Variants in METTL14 observed in about 807,000 individuals in gnomAD.
METTL14 encodes the protein N(6)-adenosine-methyltransferase non-catalytic subunit METTL14.
Under a neutral mutation model 62.4 loss-of-function variants are expected in METTL14, and 32 were observed. The observed-to-expected ratio is 0.51, with a 90% confidence interval of 0.39 to 0.69. METTL14 has a LOEUF of 0.69. METTL14 is among the 30% of genes least tolerant of loss of function. The pLI is 0.00. For missense variants in METTL14, 340 were observed against 551.9 expected (o/e 0.62, Z 3.85); for synonymous variants, 150 against 180.0 (o/e 0.83, Z 1.34).
chr4:118,714,434 G>T lies in METTL14; in HGVS notation c.*4132G>T, dbSNP rs927182308. ...CATCACTTGTCAGCTCCAGCTAATTGTCACCACAGAGAGAAGAGGGTAAGT... is the reference window on the plus strand; with the variant it reads ...CATCACTTGTCAGCTCCAGCTAATTTTCACCACAGAGAGAAGAGGGTAAGT... On this transcript the variant is annotated 3_prime_UTR_variant, in exon 11 of 11. Transcript: ENST00000388822. 2 of 152,106 alleles carry T rather than the reference G, an allele frequency of 1.3e-5. No individual in the cohort carries two copies. The highest frequency in any genetic ancestry group is 4.2e-4 in the South Asian group (2 of 4,816). The allele number at this position is 152,106 out of a possible 1,614,324, so 9.4% of individuals were successfully genotyped here.
rs1234098874 is a variant in METTL14 at position 118,712,683 on chromosome 4, T to C, written c.*2381T>C. 4 of 152,046 alleles carry C rather than the reference T, an allele frequency of 2.6e-5. No homozygotes were observed. The allele number at this position is 152,046 out of a possible 1,614,324, so 9.4% of individuals were successfully genotyped here. ...GTTGCTTTATGCACTAATTCCTTAC[T>C]GGGGATAGAAGCTAATTATTGTGAA... On this transcript the variant is annotated 3_prime_UTR_variant, in exon 11 of 11. Coordinates refer to ENST00000388822, the MANE Select transcript of METTL14 (RefSeq NM_020961.4).
chr4:118,691,920 A>G lies in METTL14; in HGVS notation c.325-61A>G, dbSNP rs887094541. 3.1e-5 allele frequency: 33 copies of G among 1,061,062 alleles called. No individual in the cohort carries two copies. The South Asian group carries it at 4.2e-4, about 14-fold the overall frequency. The allele number at this position is 1,061,062 out of a possible 1,614,324, so 65.7% of individuals were successfully genotyped here. On this transcript the variant is annotated intron_variant, in intron 4 of 10. Coordinates refer to ENST00000388822, the MANE Select transcript of METTL14 (RefSeq NM_020961.4). ...ATCACCTTGTAATAGAAAACAGTACAGAGATAATTTATCTGCCATTACAAT... is the reference window on the plus strand; with the variant it reads ...ATCACCTTGTAATAGAAAACAGTACGGAGATAATTTATCTGCCATTACAAT...
At chr4:118,709,799 C>T (rs961981993) in intron 10 of METTL14, among the ~76,000 whole-genome samples, 199 bp from the exon 11 acceptor site, 2 of 152,102 alleles carry the variant, frequency 1.3e-5, no homozygotes, top group South Asian at 4.1e-4. Context: ...AAGTTACAAT[C>T]TAGGAGGAGA....
intron 3 of METTL14, among the ~76,000 whole-genome samples, chr4:118,690,088 T>C (rs1489044879): frequency 7.6e-6 from 1 of 132,026 alleles, no homozygotes; most frequent in East Asian, 2.5e-4. Flanking sequence ...TCGCCCAGGC[T>C]GGAGTGCAGT....
At chr4:118,692,631 GT>G (rs1409451022) in intron 5 of METTL14, among the ~76,000 whole-genome samples, 1 of 151,906 alleles carries the variant, frequency 6.6e-6, no homozygotes, top group Non-Finnish European at 1.5e-5. Flanking sequence ...TTTGGCTCCA[GT>G]TTGGTATTAT....
chr4:118,692,843 C>G (rs1724296292), intron 5 of METTL14, among the ~76,000 whole-genome samples: 1 of 152,142 alleles, frequency 6.6e-6, no homozygotes, highest in African/African-American at 2.4e-5. Context: ...TCTACCCCTT[C>G]TCAGCCTTAA....
chr4:118,685,441 G>T lies in METTL14; in HGVS notation c.-94G>T. 8.0e-7 allele frequency: 1 copy of T among 1,253,096 alleles called. No homozygotes were observed. Among genetic ancestry groups the T allele is most frequent in the South Asian group, 1.2e-5 (1 of 83,116 alleles). The allele number at this position is 1,253,096 out of a possible 1,614,324, so 77.6% of individuals were successfully genotyped here. ...AGGATACTCTGTTCGTAAGCTCCCGGTGAATTTTGTTCCACAGACTCGGAA... is the reference window on the plus strand; with the variant it reads ...AGGATACTCTGTTCGTAAGCTCCCGTTGAATTTTGTTCCACAGACTCGGAA... On this transcript the variant is annotated 5_prime_UTR_variant, in exon 1 of 11. Coordinates refer to ENST00000388822, the MANE Select transcript of METTL14 (RefSeq NM_020961.4).
rs954313190 is a variant in METTL14 at position 118,711,223 on chromosome 4, C to T, written c.*921C>T. The T allele has an allele frequency of 1.3e-5, 2 of 152,170 alleles. No homozygotes were observed. The highest frequency in any genetic ancestry group is 2.1e-4 in the South Asian group (1 of 4,832). The allele number at this position is 152,170 out of a possible 1,614,324, so 9.4% of individuals were successfully genotyped here. A position where few individuals can be genotyped will look rare whatever the true frequency, so the allele number is the denominator to read the frequency against. On this transcript the variant is annotated 3_prime_UTR_variant, in exon 11 of 11. Coordinates refer to ENST00000388822, the MANE Select transcript of METTL14 (RefSeq NM_020961.4). Reference sequence around the variant, plus strand: ...TGTAAAACCAACTACGGAAAACCCTCAACTTAAGGATACAGCTTGGAAATT... The same window carrying T: ...TGTAAAACCAACTACGGAAAACCCTTAACTTAAGGATACAGCTTGGAAATT...
chr4:118,686,805 G>A (rs1228599211), intron 1 of METTL14: 1 of 353,854 alleles, frequency 2.8e-6, no homozygotes, highest in Non-Finnish European at 5.6e-6. Flanking sequence ...TATTTGTTTA[G>A]TGTTTTACAC....
intron 10 of METTL14, among the ~76,000 whole-genome samples, chr4:118,707,398 T>A (rs1391120436): frequency 2.0e-5 from 3 of 152,122 alleles, no homozygotes; most frequent in African/African-American, 7.2e-5. Flanking sequence ...GCACTGTGAC[T>A]CAAGCCTGTA....
chr4:118,700,666 G>A (rs1442354471), intron 8 of METTL14, 24 bp downstream of exon 8: 1 of 1,528,270 alleles, frequency 6.5e-7, no homozygotes, highest in Admixed American at 1.9e-5. Flanking sequence ...TTTATAAAGT[G>A]GATTTTTAAA....
chr4:118,697,091 T>G (rs903945612), intron 6 of METTL14, 91 bp from the exon 7 acceptor site: 1 of 955,464 alleles, frequency 1.0e-6, no homozygotes, highest in Non-Finnish European at 1.5e-6. Context: ...ATCTAAGACA[T>G]TTCTTTCATT....
In METTL14 at chr4:118,697,257, C is replaced by G. The variant is rs2110403035; in HGVS notation, c.579C>G (p.Pro193=). ...TPKFDVILLE[P]PLEEYYRETG... ...AATTTGATGTGATTCTTCTGGAACC[C>G]CCTTTAGAAGAATATTACAGAGAAA... is the stretch of plus-strand genomic sequence containing the variant. Residue 193 remains proline, a synonymous_variant, in exon 7 of 11, where the codon CCC becomes CCG. Transcript: ENST00000388822. The G allele has an allele frequency of 6.2e-7, 1 of 1,611,338 alleles. No individual in the cohort carries two copies. The highest frequency in any genetic ancestry group is 1.3e-5 in the African/African-American group (1 of 74,882).
chr4:118,686,616 C>T (rs917535415), intron 1 of METTL14: 2 of 456,144 alleles, frequency 4.4e-6, no homozygotes, highest in African/African-American at 4.0e-5. Context: ...CCTTATCCCG[C>T]TGGCATTACG....
intron 3 of METTL14, among the ~76,000 whole-genome samples, chr4:118,690,289 C>T (rs1319538335): frequency 6.7e-6 from 1 of 148,376 alleles, no homozygotes; most frequent in South Asian, 2.2e-4. Flanking sequence ...CCACCCGCCT[C>T]GGCCTCCCAA....
intron 5 of METTL14, among the ~76,000 whole-genome samples, chr4:118,693,637 A>C (rs1158282769): frequency 6.6e-6 from 1 of 152,174 alleles, no homozygotes; most frequent in Non-Finnish European, 1.5e-5. Context: ...ATTTATGGTT[A>C]AATTGTATAA....
At chr4:118,691,004 T>G (rs189548724) in intron 3 of METTL14, among the ~76,000 whole-genome samples, 3 of 152,306 alleles carry the variant, frequency 2.0e-5, no homozygotes, top group Admixed American at 2.0e-4. Context: ...GAATGTATAG[T>G]TTCAATAAAA....
Position 118,704,054 on chromosome 4 carries a change from A to AT in METTL14, c.855+5dup. 6.6e-7 allele frequency: 1 copy of AT among 1,523,240 alleles called. No homozygotes were observed. Among genetic ancestry groups the AT allele is most frequent in the Non-Finnish European group, 9.0e-7 (1 of 1,117,254 alleles). 94.4% of individuals were successfully genotyped at this position (1,523,240 alleles called of 1,614,324 possible). On this transcript the variant is annotated splice_donor_region_variant and intron_variant, in intron 9 of 10. Coordinates refer to ENST00000388822, the MANE Select transcript of METTL14 (RefSeq NM_020961.4). ...AGGCTGTCTTTCAGAGAACAAAGGTATTGCCTTTACTGATTTGTTTTTTTT... is the reference window on the plus strand; with the variant it reads ...AGGCTGTCTTTCAGAGAACAAAGGTATTTGCCTTTACTGATTTGTTTTTTTT...
At chr4:118,702,158 C>T (rs188640534) in intron 8 of METTL14, among the ~76,000 whole-genome samples, 4 of 136,654 alleles carry the variant, frequency 2.9e-5, no homozygotes, top group African/African-American at 1.1e-4. Flanking sequence ...CTTGCTCTGT[C>T]GCCCACGCTG....
Sources: allele counts gnomAD v4.1 joint callset (sites outside exome capture counted in the v4.1 genomes callset), GRCh38; gene constraint gnomAD v4.1.1; transcripts MANE v1.5; gene names NCBI Gene and HGNC (gene_info 2026-07-23, HGNC 2026-07-21).